NXPE1: variants seen among roughly 807,000 people sequenced by gnomAD.
NXPE1 encodes NXPE family member 1.
A neutral mutation model predicts 33.3 loss-of-function variants in NXPE1; 31 were observed. The observed-to-expected ratio is 0.93, with a 90% CI of 0.70 to 1.26. NXPE1 has a LOEUF of 1.26. Among genes scored for constraint, NXPE1 ranks in the 50% most tolerant of loss-of-function variants. NXPE1 has a pLI of 0.00. For missense variants in NXPE1, 661 were observed against 655.6 expected (o/e 1.01, Z -0.09); for synonymous variants, 229 against 231.4 (o/e 0.99, Z 0.09).
chr11:114,535,716 C>T (rs948710789), intron 5 of NXPE1, among the ~76,000 whole-genome samples: 6 of 152,118 alleles, frequency 3.9e-5, no homozygotes, highest in African/African-American at 1.4e-4. Flanking sequence ...GGAATCAATT[C>T]AACAAGAAGA....
At chr11:114,530,858 G>A (rs543438905) in exon 6 of NXPE1, 117 of 1,613,706 alleles carry the variant, frequency 7.3e-5, no homozygotes, top group Middle Eastern at 1.7e-4. Flanking sequence ...AGGACTTTGC[G>A]GAGTTGTTCC....
intron 7 of NXPE1, among the ~76,000 whole-genome samples, chr11:114,524,596 A>G (rs576839448): frequency 5.3e-5 from 8 of 152,294 alleles, no homozygotes; most frequent in African/African-American, 1.9e-4. Flanking sequence ...GAGGCTTGAT[A>G]GCATTGCACC....
intron 5 of NXPE1, among the ~76,000 whole-genome samples, chr11:114,542,469 A>G (rs1948131842): frequency 2.6e-5 from 4 of 152,320 alleles, no homozygotes; most frequent in African/African-American, 9.6e-5. Flanking sequence ...TTATTTACAG[A>G]AATAAGTCTA....
At chr11:114,538,354 A>G (rs559794469) in intron 5 of NXPE1, among the ~76,000 whole-genome samples, 96 of 152,350 alleles carry the variant, frequency 6.3e-4, no homozygotes, top group African/African-American at 2.3e-3. Context: ...AGTACCATTC[A>G]GGCCATAGGC....
At chr11:114,546,512 G>T (rs1591295886) in intron 5 of NXPE1, among the ~76,000 whole-genome samples, 1 of 149,240 alleles carries the variant, frequency 6.7e-6, no homozygotes, top group African/African-American at 2.5e-5. Context: ...ATGTTGACCA[G>T]ACTGGTCCCG....
intron 7 of NXPE1, among the ~76,000 whole-genome samples, chr11:114,523,543 T>C (rs1947279824): frequency 6.6e-6 from 1 of 152,184 alleles, no homozygotes; most frequent in African/African-American, 2.4e-5. Flanking sequence ...AATATGTACA[T>C]TAAATATAAA....
intron 5 of NXPE1, among the ~76,000 whole-genome samples, chr11:114,546,449 C>CAT (rs1165248432): frequency 6.8e-6 from 1 of 146,074 alleles, no homozygotes; most frequent in African/African-American, 2.6e-5. Context: ...TAGTATCATA[C>CAT]ATATATATAT....
At chr11:114,538,886 G>C (rs1486087004) in intron 5 of NXPE1, among the ~76,000 whole-genome samples, 5 of 152,074 alleles carry the variant, frequency 3.3e-5, no homozygotes, top group Non-Finnish European at 5.9e-5. Context: ...TGATTCCTCA[G>C]GGATCTAGAA....
intron 5 of NXPE1, among the ~76,000 whole-genome samples, chr11:114,538,547 A>G (rs1402800759): frequency 6.6e-6 from 1 of 152,258 alleles, no homozygotes; most frequent in Non-Finnish European, 1.5e-5. Flanking sequence ...AAGGGCTAAT[A>G]TCCAGAATCT....
chr11:114,550,154 A>C (rs1225311624), intron 5 of NXPE1, among the ~76,000 whole-genome samples: 1 of 152,170 alleles, frequency 6.6e-6, no homozygotes, highest in East Asian at 1.9e-4. Flanking sequence ...GTTAACTTAT[A>C]CATTTAATAA....
At chr11:114,531,088 T>A (rs186758696) in intron 5 of NXPE1, among the ~76,000 whole-genome samples, 180 bp from the exon 6 acceptor site, 14 of 151,826 alleles carry the variant, frequency 9.2e-5, no homozygotes, top group African/African-American at 3.4e-4. Context: ...AACAAGGAAA[T>A]GAGATATTAT....
intron 5 of NXPE1, among the ~76,000 whole-genome samples, chr11:114,536,039 A>T (rs532720241): frequency 2.0e-5 from 3 of 152,228 alleles, no homozygotes; most frequent in East Asian, 1.9e-4. Context: ...GAAGTAAAGC[A>T]CTCCTCAGCA....
rs114303011 is a variant in NXPE1, at chr11:114,559,312, C to T, written c.-211+486G>A. Among the ~76,000 whole-genome samples the T allele has an allele frequency of 1.7e-3, 255 of 152,316 alleles. 1 individual carries two copies. The highest frequency in any genetic ancestry group is 6.0e-3 in the African/African-American group (248 of 41,582). ...CTCTACAGGAAACTTTCCAGCATAA[C>T]TCTAGACCACAACGATCTCTCCCGT... On this transcript the variant is annotated intron_variant, in intron 1 of 8. Coordinates refer to ENST00000534921, the Ensembl canonical transcript of NXPE1.
In NXPE1 at chr11:114,531,047, A is replaced by G. The variant is rs1037270951; in HGVS notation, c.100-139T>C. The G allele has an allele frequency of 8.0e-6, 7 of 879,568 alleles. No homozygotes were observed. The African/African-American group carries it at 1.2e-4, about 15-fold the overall frequency. The allele number at this position is 879,568 out of a possible 1,614,324, so 54.5% of individuals were successfully genotyped here. A position where few individuals can be genotyped will look rare whatever the true frequency, so the allele number is the denominator to read the frequency against. ...GTTACCAAATTGAATATTTGGTAAT[A>G]AAGTGGCATAATAAACCAAAAGAGA... On this transcript the variant is annotated intron_variant, in intron 5 of 8. Coordinates refer to ENST00000534921, the Ensembl canonical transcript of NXPE1.
chr11:114,553,859 T>C (rs1303103875), intron 1 of NXPE1: 25 of 962,650 alleles, frequency 2.6e-5, no homozygotes, highest in Admixed American at 6.1e-5. Context: ...TCTTGGTAGC[T>C]TGAAATAGGC....
At chr11:114,528,422 C>T (rs533239798) in intron 6 of NXPE1, among the ~76,000 whole-genome samples, 85 of 152,226 alleles carry the variant, frequency 5.6e-4, no homozygotes, top group African/African-American at 2.0e-3. Context: ...GGCAGGTAGA[C>T]CTTTTATCAG....
chr11:114,535,320 CA>C (rs1947767540), intron 5 of NXPE1, among the ~76,000 whole-genome samples: 1 of 152,112 alleles, frequency 6.6e-6, no homozygotes, highest in African/African-American at 2.4e-5. Context: ...CCAGCCACTG[CA>C]AAAACAAGCC....
At chr11:114,520,244 G>A (rs1947182670), downstream of NXPE1, among the ~76,000 whole-genome samples, 1 of 152,022 alleles carries the variant, frequency 6.6e-6, no homozygotes. Context: ...TGTACCCTTT[G>A]ACCTACACCT....
intron 7 of NXPE1, among the ~76,000 whole-genome samples, chr11:114,524,131 T>C (rs1262900169): frequency 6.6e-6 from 1 of 152,170 alleles, no homozygotes; most frequent in Non-Finnish European, 1.5e-5. Context: ...GTTCGGCTAG[T>C]AGTAAGGGAA....
Sources: allele counts gnomAD v4.1 joint callset (sites outside exome capture counted in the v4.1 genomes callset), GRCh38; gene constraint gnomAD v4.1.1; transcripts MANE v1.5; gene names NCBI Gene and HGNC (gene_info 2026-07-23, HGNC 2026-07-21).